The following KANSL1 variants were observed in gnomAD, a reference collection of about 807,000 sequenced individuals.
KANSL1 encodes KAT8 regulatory NSL complex subunit 1, also known as MLL1/MLL complex subunit KANSL1.
In KANSL1, 22 loss-of-function variants were observed where a neutral mutation model predicts 103.6. The ratio of observed to expected loss-of-function variants is 0.21; its 90% CI spans 0.15 to 0.30. The LOEUF (loss-of-function observed/expected upper bound fraction) is 0.30. KANSL1 is among the 10% of genes least tolerant of loss of function. KANSL1 has a pLI of 1.00. For synonymous variants in KANSL1, 600 were observed against 527.6 expected (o/e 1.14, Z -1.88); for missense variants, 1,337 against 1,399.8 (o/e 0.96, Z 0.72).
At chr17:46,074,285 A>AC (rs1228958039) in intron 4 of KANSL1, among the ~76,000 whole-genome samples, 1 of 152,184 alleles carries the variant, frequency 6.6e-6, no homozygotes, top group Non-Finnish European at 1.5e-5. Context: ...CAACTGTATA[A>AC]ACAGTAATAG....
rs1398764109 is a variant in KANSL1, at chr17:46,094,642, T to C, written c.1349A>G (p.Asn450Ser). 1 of 1,614,192 alleles carries C rather than the reference T, an allele frequency of 6.2e-7. No homozygotes were observed. Among genetic ancestry groups the C allele is most frequent in the Non-Finnish European group, 8.5e-7 (1 of 1,180,042 alleles). The change falls in exon 3 of 15, where the codon AAC (asparagine) becomes AGC (serine). Residue 450 changes from asparagine (N) to serine (S), a missense_variant. Physicochemically the swap from Asn to Ser is conservative, Grantham distance 46. Transcript: ENST00000432791. ...GTCAGAAACATGAGCCTGAAGCCAGTTCCAGCGGCTGACAATAGCTGCCCG... is the reference window on the plus strand; with the variant it reads ...GTCAGAAACATGAGCCTGAAGCCAGCTCCAGCGGCTGACAATAGCTGCCCG... ...ADRAAIVSRWNWLQAHVSDLE... is the reference protein window; with the variant it reads ...ADRAAIVSRWSWLQAHVSDLE...
At chr17:46,158,455 C>T (rs937717087) in intron 2 of KANSL1, among the ~76,000 whole-genome samples, 8 of 151,930 alleles carry the variant, frequency 5.3e-5, no homozygotes, top group African/African-American at 1.9e-4. Flanking sequence ...ATCTGCCTCC[C>T]AGGTTCAAGT....
chr17:46,142,721 C>T lies in KANSL1; in HGVS notation c.1289+28134G>A, dbSNP rs182578770. Among the ~76,000 whole-genome samples the T allele has an allele frequency of 4.9e-3, 747 of 152,196 alleles. No individual in the cohort carries two copies. In the Middle Eastern group the frequency reaches 0.051, roughly 10 times the overall value. On this transcript the variant is annotated intron_variant, in intron 2 of 14. Transcript: ENST00000432791. ...TAGTATTTTTTATTTATCAGTTTAGCAAATATTTTTAAAGGATCCTCCATG... is the reference window on the plus strand; with the variant it reads ...TAGTATTTTTTATTTATCAGTTTAGTAAATATTTTTAAAGGATCCTCCATG...
At chr17:46,167,607 T>G (rs937969462) in intron 2 of KANSL1, among the ~76,000 whole-genome samples, 4 of 152,206 alleles carry the variant, frequency 2.6e-5, no homozygotes, top group Non-Finnish European at 4.4e-5. Context: ...TCATGAAAAT[T>G]TTCCAAGAAG....
intron 1 of KANSL1, among the ~76,000 whole-genome samples, chr17:46,210,986 T>A (rs1272395049): frequency 6.6e-6 from 1 of 152,102 alleles, no homozygotes; most frequent in East Asian, 1.9e-4. Flanking sequence ...TTTCTAACCA[T>A]CAGACCTAAC....
chr17:46,129,501 T>C (rs1229758923), intron 2 of KANSL1, among the ~76,000 whole-genome samples: 1 of 152,254 alleles, frequency 6.6e-6, no homozygotes, highest in Non-Finnish European at 1.5e-5. Context: ...CTACACCATC[T>C]GACAGGATTA....
chr17:46,142,023 G>A (rs1377768795), intron 2 of KANSL1, among the ~76,000 whole-genome samples: 1 of 152,100 alleles, frequency 6.6e-6, no homozygotes, highest in Non-Finnish European at 1.5e-5. Flanking sequence ...CGAGCAGCTG[G>A]GATTACAGGT....
intron 1 of KANSL1, among the ~76,000 whole-genome samples, chr17:46,216,392 G>A (rs1196564473): frequency 1.3e-5 from 2 of 152,096 alleles, no homozygotes; most frequent in East Asian, 3.9e-4. Flanking sequence ...CTGAGATCAG[G>A]AGTTCGAGAC....
At chr17:46,190,431 T>TA (rs1555585807) in intron 1 of KANSL1, among the ~76,000 whole-genome samples, 1 of 152,214 alleles carries the variant, frequency 6.6e-6, no homozygotes, top group Non-Finnish European at 1.5e-5. Flanking sequence ...CAAAGTCAAA[T>TA]ACGAATGTTC....
chr17:46,089,098 A>G (rs1031668593), intron 3 of KANSL1, among the ~76,000 whole-genome samples: 29 of 152,244 alleles, frequency 1.9e-4, no homozygotes, highest in Admixed American at 1.0e-3. Flanking sequence ...ACGAACATAC[A>G]TGAGTAAACC....
chr17:46,038,826 T>TA, intron 9 of KANSL1, 140 bp from the exon 10 acceptor site: 2 of 1,238,458 alleles, frequency 1.6e-6, no homozygotes, highest in Non-Finnish European at 2.3e-6. Flanking sequence ...TGAAGCACAC[T>TA]AGCTGTGGGA....
intron 2 of KANSL1, among the ~76,000 whole-genome samples, chr17:46,106,417 G>C (rs2042569257): frequency 6.6e-6 from 1 of 152,180 alleles, no homozygotes; most frequent in Non-Finnish European, 1.5e-5. Context: ...TTTTGAGATG[G>C]AGTCTCGCTC....
intron 1 of KANSL1, among the ~76,000 whole-genome samples, chr17:46,217,181 G>A (rs150146429): frequency 2.9e-3 from 445 of 151,552 alleles, no homozygotes; most frequent in Admixed American, 5.1e-3. Context: ...TGATCTTAGA[G>A]ACGGGATCTT....
chr17:46,068,847 G>C (rs1275188830), intron 4 of KANSL1, among the ~76,000 whole-genome samples: 1 of 152,166 alleles, frequency 6.6e-6, no homozygotes, highest in Non-Finnish European at 1.5e-5. Flanking sequence ...CTGAGGTATA[G>C]GCAATAAAGC....
chr17:46,153,677 T>C (rs1308859608), intron 2 of KANSL1, among the ~76,000 whole-genome samples: 1 of 152,206 alleles, frequency 6.6e-6, no homozygotes, highest in Admixed American at 6.5e-5. Context: ...ATTTATACAC[T>C]AGATTATCAA....
intron 2 of KANSL1, among the ~76,000 whole-genome samples, chr17:46,153,152 G>A (rs1397572416): frequency 6.6e-6 from 1 of 152,146 alleles, no homozygotes; most frequent in Non-Finnish European, 1.5e-5. Context: ...CAGTTCCCTT[G>A]TTGAGTAAGT....
rs778744547 is a variant in KANSL1, at chr17:46,038,490, C to A, written c.2541+48G>T. 1.9e-6 allele frequency: 3 copies of A among 1,599,992 alleles called. No individual in the cohort carries two copies. The Admixed American group carries it at 5.1e-5, about 27-fold the overall frequency. On this transcript the variant is annotated intron_variant, in intron 10 of 14. Coordinates refer to ENST00000432791, the MANE Select transcript of KANSL1 (RefSeq NM_015443.4). The stretch of plus-strand genomic sequence containing the variant: ...TGTCCTCTGGAGCCACTTGAGTGAG[C>A]TGTGACCTGCAGAGGGGGTGTCCGG...
chr17:46,147,386 C>T (rs1225155590), intron 2 of KANSL1, among the ~76,000 whole-genome samples: 1 of 151,976 alleles, frequency 6.6e-6, no homozygotes, highest in Non-Finnish European at 1.5e-5. Flanking sequence ...CCAGTGTGGG[C>T]AAGGTGGCAA....
At chr17:46,150,655 A>G (rs1349221234) in intron 2 of KANSL1, among the ~76,000 whole-genome samples, 3 of 152,244 alleles carry the variant, frequency 2.0e-5, no homozygotes, top group Admixed American at 6.5e-5. Context: ...AACTAATGAC[A>G]CTGGCTCAAC....
Sources: allele counts gnomAD v4.1 joint callset (sites outside exome capture counted in the v4.1 genomes callset), GRCh38; gene constraint gnomAD v4.1.1; transcripts MANE v1.5; gene names NCBI Gene and HGNC (gene_info 2026-07-23, HGNC 2026-07-21).